Variants in SLC41A2 observed in about 807,000 individuals in gnomAD.
SLC41A2 encodes the protein solute carrier family 41 member 2.
SLC41A2 carries 32 observed loss-of-function variants against 58.3 expected under a neutral mutation model. That is an observed-to-expected ratio of 0.55 (90% confidence interval 0.41 to 0.74). The LOEUF (loss-of-function observed/expected upper bound fraction) is 0.74. Ranked by LOEUF, SLC41A2 falls within the 30% of genes least tolerant of loss-of-function variation. SLC41A2 has a pLI of 0.00. For missense variants in SLC41A2, 514 were observed against 680.6 expected, an observed-to-expected ratio of 0.76 and a Z score of 2.72; for synonymous variants, 190 against 235.0, an observed-to-expected ratio of 0.81 and a Z score of 1.75.
At chr12:104,859,954 G>A (rs1319345625) in intron 8 of SLC41A2, among the ~76,000 whole-genome samples, 2 of 151,970 alleles carry the variant, frequency 1.3e-5, no homozygotes, top group East Asian at 3.9e-4. Flanking sequence ...TATTGCCCAG[G>A]CTGGTCTCAA....
At chr12:104,895,726 T>C (rs185025165) in intron 3 of SLC41A2, among the ~76,000 whole-genome samples, 2 of 152,256 alleles carry the variant, frequency 1.3e-5, no homozygotes, top group Admixed American at 6.5e-5. Context: ...TAATTCCACA[T>C]TATAAAACTA....
At chr12:104,915,091 A>G (rs1028733406) in intron 2 of SLC41A2, among the ~76,000 whole-genome samples, 14 of 152,268 alleles carry the variant, frequency 9.2e-5, no homozygotes, top group African/African-American at 3.4e-4. Flanking sequence ...GTATACATCT[A>G]CAAGTCAAAC....
Position 104,894,174 on chromosome 12 carries a change from C to T in SLC41A2, c.735+1100G>A, listed in dbSNP as rs767270822. Among the ~76,000 whole-genome samples, 34 of 151,680 alleles carry T rather than the reference C, an allele frequency of 2.2e-4. 1 individual carries two copies. Among genetic ancestry groups the T allele is most frequent in the Non-Finnish European group, 3.1e-4 (21 of 67,812 alleles). ...GAAAAGACCAGCCTGGACTACATGG[C>T]GAAACCCCGTCTCTACAAAAAGTAC... On this transcript the variant is annotated intron_variant, in intron 4 of 10. Coordinates refer to ENST00000258538, the MANE Select transcript of SLC41A2 (RefSeq NM_001352171.3).
intron 2 of SLC41A2, among the ~76,000 whole-genome samples, chr12:104,923,361 CA>C (rs60629926): frequency 0.16 from 14,128 of 87,352 alleles, 1,133 homozygotes; most frequent in East Asian, 0.42. Context: ...GACTCCATCT[CA>C]AAAAAAAAAA....
chr12:104,912,448 A>G (rs1482594256), intron 2 of SLC41A2, among the ~76,000 whole-genome samples: 1 of 152,180 alleles, frequency 6.6e-6, no homozygotes, highest in African/African-American at 2.4e-5. Flanking sequence ...TCATGCCTAC[A>G]TAATGAAGCT....
chr12:104,894,334 C>G (rs1021750957), intron 4 of SLC41A2, among the ~76,000 whole-genome samples: 1 of 146,532 alleles, frequency 6.8e-6, no homozygotes, highest in Non-Finnish European at 1.5e-5. Flanking sequence ...CCCTGGGCAA[C>G]AGAGCAAGAC....
At chr12:104,862,798 CTATACA>C (rs2136431046) in intron 7 of SLC41A2, among the ~76,000 whole-genome samples, 1 of 152,232 alleles carries the variant, frequency 6.6e-6, no homozygotes, top group East Asian at 1.9e-4. Flanking sequence ...GTGAGAACAC[CTATACA>C]ACATGTTTTG....
At chr12:104,869,792 T>C (rs1464454857) in intron 6 of SLC41A2, among the ~76,000 whole-genome samples, 1 of 152,212 alleles carries the variant, frequency 6.6e-6, no homozygotes, top group South Asian at 2.1e-4. Flanking sequence ...TTTTTGGATA[T>C]ACTGGTGTTT....
intron 7 of SLC41A2, among the ~76,000 whole-genome samples, chr12:104,863,274 C>A (rs891247209): frequency 6.6e-6 from 1 of 151,934 alleles, no homozygotes; most frequent in African/African-American, 2.4e-5. Flanking sequence ...CCTGTCTCTA[C>A]AAAAGAGTAA....
chr12:104,810,757 A>G (rs2041138646), intron 10 of SLC41A2, among the ~76,000 whole-genome samples: 1 of 152,202 alleles, frequency 6.6e-6, no homozygotes, highest in Non-Finnish European at 1.5e-5. Flanking sequence ...TAGTTGTCAC[A>G]GAGAGCATAT....
chr12:104,925,325 G>A (rs1381985790), intron 2 of SLC41A2, among the ~76,000 whole-genome samples: 1 of 152,170 alleles, frequency 6.6e-6, no homozygotes, highest in African/African-American at 2.4e-5. Context: ...TTGGGAGGCC[G>A]AGACAGGCGG....
At chr12:104,883,413 T>C (rs2044488393) in intron 6 of SLC41A2, among the ~76,000 whole-genome samples, 1 of 152,218 alleles carries the variant, frequency 6.6e-6, no homozygotes, top group Non-Finnish European at 1.5e-5. Flanking sequence ...GTTTTTAGAA[T>C]TTTCAGCTTT....
intron 1 of SLC41A2, among the ~76,000 whole-genome samples, chr12:104,936,593 C>T (rs1243756301): frequency 6.6e-6 from 1 of 152,100 alleles, no homozygotes; most frequent in African/African-American, 2.4e-5. Context: ...AGGGCAACTC[C>T]CATTTTTTAA....
chr12:104,914,382 T>C (rs1430728767), intron 2 of SLC41A2, among the ~76,000 whole-genome samples: 1 of 152,196 alleles, frequency 6.6e-6, no homozygotes, highest in East Asian at 1.9e-4. Context: ...ACTTCTCAAA[T>C]GTTGGAATTG....
At chr12:104,956,554 C>T (rs2048176424) in intron 1 of SLC41A2, among the ~76,000 whole-genome samples, 2 of 152,246 alleles carry the variant, frequency 1.3e-5, no homozygotes, top group South Asian at 4.2e-4. Flanking sequence ...TGGTGTGTGC[C>T]TGTAGTCCCA....
rs1021615838 is a variant in SLC41A2, at chr12:104,942,492, C to A, written c.-167-13798G>T. On this transcript the variant is annotated intron_variant, in intron 1 of 10. Coordinates refer to ENST00000258538, the MANE Select transcript of SLC41A2 (RefSeq NM_001352171.3). ...GATCTTGTCCAAAAAAAAAAAAAAA[C>A]CATGTTAAATTCATTAATTTCCTGC... Among the ~76,000 whole-genome samples the A allele has an allele frequency of 1.1e-3, 139 of 132,130 alleles. 1 individual carries two copies. Among genetic ancestry groups the A allele is most frequent in the African/African-American group, 2.9e-3 (108 of 36,984 alleles). The allele number at this position is 132,130 out of a possible 152,430, so 86.7% of individuals were successfully genotyped here. A position where few individuals can be genotyped will look rare whatever the true frequency, so the allele number is the denominator to read the frequency against.
intron 4 of SLC41A2, among the ~76,000 whole-genome samples, chr12:104,894,628 A>G (rs1391750580): frequency 6.6e-6 from 1 of 152,176 alleles, no homozygotes; most frequent in Non-Finnish European, 1.5e-5. Flanking sequence ...GTCCTAGGTG[A>G]ACTAATACCA....
At chr12:104,949,866 A>G (rs1010091570) in intron 1 of SLC41A2, among the ~76,000 whole-genome samples, 1 of 152,192 alleles carries the variant, frequency 6.6e-6, no homozygotes, top group African/African-American at 2.4e-5. Context: ...TACAGGTGTG[A>G]GCCACTGTGC....
intron 1 of SLC41A2, among the ~76,000 whole-genome samples, chr12:104,931,110 G>A (rs2047034337): frequency 6.6e-6 from 1 of 152,234 alleles, no homozygotes; most frequent in African/African-American, 2.4e-5. Flanking sequence ...TTTAGCCCAC[G>A]CTCTGTCCCC....
Sources: allele counts gnomAD v4.1 joint callset (sites outside exome capture counted in the v4.1 genomes callset), GRCh38; gene constraint gnomAD v4.1.1; transcripts MANE v1.5; gene names NCBI Gene and HGNC (gene_info 2026-07-23, HGNC 2026-07-21).